The following SNX29 variants were observed in gnomAD, a reference collection of about 807,000 sequenced individuals.
SNX29 encodes sorting nexin-29.
A neutral mutation model predicts 102.1 loss-of-function variants in SNX29; 78 were observed. That is an observed-to-expected ratio of 0.76 (90% CI 0.64 to 0.92). The LOEUF is 0.92. Ranked by LOEUF, SNX29 falls within the 40% of genes least tolerant of loss-of-function variation. The probability of loss-of-function intolerance (pLI) is 0.00; values close to 1 mark genes in which losing one functional copy is unlikely to be tolerated. For synonymous variants in SNX29, 580 were observed against 414.5 expected, an observed-to-expected ratio of 1.40 and a Z score of -4.85; for missense variants, 1,280 against 1,061.7, an observed-to-expected ratio of 1.21 and a Z score of -2.86.
chr16:12,572,612 G>GCTACCCCCAGAATCCATCCTT lies in SNX29; in HGVS notation c.*3985_*4005dup. On this transcript the variant is annotated 3_prime_UTR_variant, in exon 21 of 21. Coordinates refer to ENST00000566228, the MANE Select transcript of SNX29 (RefSeq NM_032167.5). ...CTCCCAGTGAGCCCCCTCCCCTCCGGCTACCCCCAGAATCCATCCTTCATT... is the reference window on the plus strand; with the variant it reads ...CTCCCAGTGAGCCCCCTCCCCTCCGGCTACCCCCAGAATCCATCCTTCTACCCCCAGAATCCATCCTTCATT... The GCTACCCCCAGAATCCATCCTT allele has an allele frequency of 4.7e-6, 5 of 1,063,536 alleles. No homozygotes were observed. Among genetic ancestry groups the GCTACCCCCAGAATCCATCCTT allele is most frequent in the Non-Finnish European group, 5.7e-6 (5 of 878,128 alleles). 65.9% of individuals were successfully genotyped at this position (1,063,536 alleles called of 1,614,324 possible).
intron 18 of SNX29, chr16:12,442,905 A>G: frequency 2.4e-6 from 1 of 424,748 alleles, no homozygotes; most frequent in Non-Finnish European, 4.7e-6. Flanking sequence ...GTTCAAAAAA[A>G]ACTTTTTTTT....
At chr16:12,421,622 G>A (rs1275664780) in intron 18 of SNX29, among the ~76,000 whole-genome samples, 2 of 152,146 alleles carry the variant, frequency 1.3e-5, no homozygotes, top group African/African-American at 4.8e-5. Context: ...AGAACTTGAC[G>A]CAATGTCTGA....
At chr16:12,557,880 G>C (rs1254186014) in intron 20 of SNX29, among the ~76,000 whole-genome samples, 2 of 152,180 alleles carry the variant, frequency 1.3e-5, no homozygotes. Flanking sequence ...GTGGAGGAGG[G>C]CCTCTGCAGG....
intron 14 of SNX29, among the ~76,000 whole-genome samples, chr16:12,261,681 G>A (rs2078770565): frequency 7.6e-6 from 1 of 131,142 alleles, no homozygotes; most frequent in African/African-American, 2.9e-5. Context: ...TCCCCGGCTG[G>A]AGTGAGTGTT....
At chr16:12,210,445 C>A (rs946797006) in intron 14 of SNX29, among the ~76,000 whole-genome samples, 1 of 151,206 alleles carries the variant, frequency 6.6e-6, no homozygotes, top group African/African-American at 2.4e-5. Context: ...CCTCCTGCCT[C>A]GGCCTCCTGA....
At chr16:12,520,470 C>G (rs1240316458) in intron 19 of SNX29, among the ~76,000 whole-genome samples, 1 of 152,204 alleles carries the variant, frequency 6.6e-6, no homozygotes. Flanking sequence ...AGTTCCTCAC[C>G]TTTCTGAAAT....
chr16:12,127,129 C>T (rs993606045), intron 12 of SNX29, among the ~76,000 whole-genome samples: 20 of 151,648 alleles, frequency 1.3e-4, no homozygotes, highest in African/African-American at 4.6e-4. Context: ...CGTGGTGCTG[C>T]GTGCCTGTAA....
chr16:12,486,710 A>G (rs1385402933), intron 19 of SNX29, among the ~76,000 whole-genome samples: 9 of 151,956 alleles, frequency 5.9e-5, no homozygotes, highest in Non-Finnish European at 1.5e-5. Context: ...CCCTAAGTCA[A>G]CTCCTCAACC....
At chr16:12,201,976 G>A (rs1188098570) in intron 14 of SNX29, among the ~76,000 whole-genome samples, 2 of 152,162 alleles carry the variant, frequency 1.3e-5, no homozygotes, top group African/African-American at 4.8e-5. Flanking sequence ...TTTCATAGCA[G>A]CTGAAGGTCC....
rs141156766 is a variant in SNX29, at chr16:12,574,116, T to C, written c.*5487T>C. On this transcript the variant is annotated 3_prime_UTR_variant, in exon 21 of 21. Coordinates refer to ENST00000566228, the MANE Select transcript of SNX29 (RefSeq NM_032167.5). Reference sequence around the variant, plus strand: ...TAGTATTATCTTAACTACCCTCTTATGTTAAGGTTTACATAATAGGATTTT... The same window carrying C: ...TAGTATTATCTTAACTACCCTCTTACGTTAAGGTTTACATAATAGGATTTT... The C allele has an allele frequency of 2.4e-3, 447 of 185,332 alleles. 4 individuals are homozygous for C. The highest frequency in any genetic ancestry group is 8.8e-3 in the African/African-American group (376 of 42,730). The allele number at this position is 185,332 out of a possible 1,614,324, so 11.5% of individuals were successfully genotyped here.
intron 20 of SNX29, among the ~76,000 whole-genome samples, chr16:12,562,391 A>C (rs1038564271): frequency 2.0e-5 from 3 of 152,164 alleles, no homozygotes; most frequent in Non-Finnish European, 4.4e-5. Context: ...AGCTCAAGAG[A>C]CAGATCACAT....
Position 12,572,499 on chromosome 16 carries a change from G to A in SNX29, c.*3870G>A, listed in dbSNP as rs72775264. Reference sequence around the variant, plus strand: ...ACCAGTTCTTGGGGTTCCAGGCCTCGGCCTTCCTGCTCCACGTGCTCAAGC... The same window carrying A: ...ACCAGTTCTTGGGGTTCCAGGCCTCAGCCTTCCTGCTCCACGTGCTCAAGC... On this transcript the variant is annotated 3_prime_UTR_variant, in exon 21 of 21. Transcript: ENST00000566228. 0.045 allele frequency: 47,340 copies of A among 1,063,744 alleles called. 1,152 individuals are homozygous for A. Among genetic ancestry groups the A allele is most frequent in the Non-Finnish European group, 0.05 (44,261 of 878,268 alleles). 65.9% of individuals were successfully genotyped at this position (1,063,744 alleles called of 1,614,324 possible). A position where few individuals can be genotyped will look rare whatever the true frequency, so the allele number is the denominator to read the frequency against.
chr16:12,317,559 AC>A (rs1389050492), intron 15 of SNX29, among the ~76,000 whole-genome samples: 2 of 152,194 alleles, frequency 1.3e-5, no homozygotes, highest in East Asian at 3.9e-4. Context: ...GCCATAAAGA[AC>A]AAATAACATG....
chr16:12,479,923 CTT>C (rs533103021), intron 19 of SNX29, among the ~76,000 whole-genome samples: 161 of 152,270 alleles, frequency 1.1e-3, no homozygotes, highest in Admixed American at 2.5e-3. Flanking sequence ...ATTGTCCTGA[CTT>C]AACATTGTCT....
chr16:12,356,921 C>G (rs1567473375), intron 16 of SNX29, among the ~76,000 whole-genome samples: 1 of 152,234 alleles, frequency 6.6e-6, no homozygotes, highest in East Asian at 1.9e-4. Flanking sequence ...ATTTCAGAAC[C>G]TGGCAGAATC....
rs545502724 is a variant in SNX29, at chr16:12,019,629, G to T, written c.123-7691G>T. On this transcript the variant is annotated intron_variant, in intron 3 of 20. Coordinates refer to ENST00000566228, the MANE Select transcript of SNX29 (RefSeq NM_032167.5). ...ATAGATAGATAGATAGATAGATATA[G>T]ATATATAATTTTTTTTTTTTTTTGA... Among the ~76,000 whole-genome samples, 660 of 136,550 alleles carry T rather than the reference G, an allele frequency of 4.8e-3. 9 individuals are homozygous for T. The highest frequency in any genetic ancestry group is 0.017 in the African/African-American group (644 of 36,870). 89.6% of individuals were successfully genotyped at this position (136,550 alleles called of 152,430 possible). A position where few individuals can be genotyped will look rare whatever the true frequency, so the allele number is the denominator to read the frequency against.
chr16:12,321,697 G>A (rs979756305), intron 15 of SNX29, among the ~76,000 whole-genome samples: 2 of 152,128 alleles, frequency 1.3e-5, no homozygotes, highest in Non-Finnish European at 2.9e-5. Flanking sequence ...ACCAGCCTGT[G>A]GATACCCAGG....
chr16:12,571,750 T>TC lies in SNX29; in HGVS notation c.*3123dup. 9.8e-7 allele frequency: 1 copy of TC among 1,018,646 alleles called. No individual in the cohort carries two copies. The highest frequency in any genetic ancestry group is 1.2e-6 in the Non-Finnish European group (1 of 837,892). 63.1% of individuals were successfully genotyped at this position (1,018,646 alleles called of 1,614,324 possible). On this transcript the variant is annotated 3_prime_UTR_variant, in exon 21 of 21. Transcript: ENST00000566228. The stretch of plus-strand genomic sequence containing the variant: ...GGCTGCTAGAAACCTAGCCCAACCA[T>TC]CCACTCCTGATCTGAGACAGAACCT...
At chr16:12,329,032 G>T (rs922082183) in intron 15 of SNX29, among the ~76,000 whole-genome samples, 1 of 151,948 alleles carries the variant, frequency 6.6e-6, no homozygotes, top group Non-Finnish European at 1.5e-5. Context: ...AACACTTTGG[G>T]AGGCTGAGGC....
Sources: allele counts gnomAD v4.1 joint callset (sites outside exome capture counted in the v4.1 genomes callset), GRCh38; gene constraint gnomAD v4.1.1; transcripts MANE v1.5; gene names NCBI Gene and HGNC (gene_info 2026-07-23, HGNC 2026-07-21).